MYO1F: variants seen among roughly 807,000 people sequenced by gnomAD.
MYO1F encodes unconventional myosin-If.
Under a neutral mutation model 146.6 loss-of-function variants are expected in MYO1F, and 60 were observed. The observed-to-expected ratio is 0.41, with a 90% CI of 0.33 to 0.51. MYO1F has a LOEUF of 0.51. Ranked by LOEUF, MYO1F falls within the 20% of genes least tolerant of loss-of-function variation. The pLI, the probability that MYO1F is intolerant of heterozygous loss-of-function variation, is 0.25. For missense variants in MYO1F, 1,274 were observed against 1,534.3 expected, an observed-to-expected ratio of 0.83 and a Z score of 2.83; for synonymous variants, 602 against 602.1, an observed-to-expected ratio of 1.00 and a Z score of 0.00.
intron 19 of MYO1F, among the ~76,000 whole-genome samples, chr19:8,536,049 C>T (rs1267027794): frequency 6.9e-6 from 1 of 145,152 alleles, no homozygotes; most frequent in Non-Finnish European, 1.5e-5. Context: ...TAATCTCTCA[C>T]TTGCTTTCTC....
At chr19:8,531,954 C>T (rs552466417) in intron 19 of MYO1F, among the ~76,000 whole-genome samples, 2 of 152,066 alleles carry the variant, frequency 1.3e-5, no homozygotes, top group Non-Finnish European at 2.9e-5. Flanking sequence ...CCCGTCTCTA[C>T]TAATAATACA....
Position 8,522,771 on chromosome 19 carries a change from G to A in MYO1F, c.2913C>T (p.Ile971=). ...SARGGPLPLE[I]MSGGGTHRPP... is the part of the protein sequence containing the mutation. ...GCCTGTGGGTGCCCCCTCCAGACAT[G>A]ATCTCCAGGGGCAGGGGGCCCCCTC... Residue 971 remains isoleucine, a synonymous_variant, in exon 26 of 28, where the codon ATC becomes ATT. Transcript: ENST00000644032. The A allele has an allele frequency of 6.2e-7, 1 of 1,607,770 alleles. No homozygotes were observed. Among genetic ancestry groups the A allele is most frequent in the Non-Finnish European group, 8.5e-7 (1 of 1,178,188 alleles).
At chr19:8,550,837 G>A (rs543056751) in intron 8 of MYO1F, 143 bp from the exon 9 acceptor site, 11 of 1,016,296 alleles carry the variant, frequency 1.1e-5, no homozygotes, top group East Asian at 2.5e-5. Context: ...CACTTGCCGC[G>A]TGACCTTGGG....
intron 1 of MYO1F, among the ~76,000 whole-genome samples, chr19:8,562,412 A>G (rs1040506026): frequency 3.3e-5 from 5 of 152,046 alleles, no homozygotes; most frequent in African/African-American, 7.2e-5. Context: ...GGCCCAAGCA[A>G]TCCTCCTGCC....
At position 8,536,520 on chromosome 19, in the gene MYO1F, T is replaced by G; in HGVS notation, c.1877A>C (p.Gln626Pro). The G allele has an allele frequency of 6.2e-7, 1 of 1,612,896 alleles. No homozygotes were observed. The highest frequency in any genetic ancestry group is 1.1e-5 in the South Asian group (1 of 91,012). Residue 626 changes from glutamine (Q) to proline (P), a missense_variant, in exon 18 of 28, where the codon CAG becomes CCG. By Grantham distance (76) the Gln-to-Pro change is moderately conservative. Transcript: ENST00000644032. Reference sequence around the variant, plus strand: ...TCACCTCTGCAGGAATTTGGCGAACTGGCGGCGGTAGGCGAAGCCGGCTCT... The same window carrying G: ...TCACCTCTGCAGGAATTTGGCGAACGGGCGGCGGTAGGCGAAGCCGGCTCT... ...VRRAGFAYRR[Q>P]FAKFLQRYAI...
rs1176648618 is a variant in MYO1F at position 8,544,000 on chromosome 19, T to TGGTGGCGGTGGC, written c.1524+285_1524+296dup. On this transcript the variant is annotated intron_variant, in intron 14 of 27. Transcript: ENST00000644032. ...GTGCTGGTGCTGGTGGTGGTGCTGG[T>TGGTGGCGGTGGC]GGTGGCGGTGGCGGTGGCGGTGGCG... 251 of 154,816 alleles carry TGGTGGCGGTGGC rather than the reference T, an allele frequency of 1.6e-3. 4 individuals are homozygous for TGGTGGCGGTGGC. Among genetic ancestry groups the TGGTGGCGGTGGC allele is most frequent in the East Asian group, 0.015 (41 of 2,658 alleles). The allele number at this position is 154,816 out of a possible 1,614,324, so 9.6% of individuals were successfully genotyped here. A position where few individuals can be genotyped will look rare whatever the true frequency, so the allele number is the denominator to read the frequency against.
rs563722140 is a variant in MYO1F, at chr19:8,539,855, C to T, written c.1692+92G>A. 2.1e-4 allele frequency: 231 copies of T among 1,119,770 alleles called. 3 individuals are homozygous for T. In the South Asian group the frequency reaches 2.6e-3, roughly 12 times the overall value. 69.4% of individuals were successfully genotyped at this position (1,119,770 alleles called of 1,614,324 possible). On this transcript the variant is annotated intron_variant, in intron 16 of 27. Coordinates refer to ENST00000644032, the MANE Select transcript of MYO1F (RefSeq NM_012335.4). ...GCCCCAGGATTGGTAGACAGACAGA[C>T]GTTGGAATGAGAGAAACAGAGTCCG...
chr19:8,524,967 A>G (rs969655471), intron 25 of MYO1F, among the ~76,000 whole-genome samples: 2 of 152,072 alleles, frequency 1.3e-5, no homozygotes, highest in African/African-American at 4.8e-5. Flanking sequence ...GGAGGCCGAG[A>G]CGGGCGGGTC....
rs1302734598 is a variant in MYO1F, at chr19:8,545,728, A to G, written c.1278T>C (p.Tyr426=). The change falls in exon 13 of 28, where the codon TAT becomes TAC. Residue 426 remains tyrosine, a synonymous_variant. Coordinates refer to ENST00000644032, the MANE Select transcript of MYO1F (RefSeq NM_012335.4). ...ELTLKAEQEE[Y]VQEGIRWTPI... is the part of the protein sequence containing the mutation. ...GAGTCCAGCGGATGCCTTCCTGCAC[A>G]TACTCCTCCTGGGGTGGAAAAGGGG... is the stretch of plus-strand genomic sequence containing the variant. The G allele has an allele frequency of 6.2e-7, 1 of 1,613,856 alleles. No individual in the cohort carries two copies. The highest frequency in any genetic ancestry group is 1.7e-5 in the Admixed American group (1 of 59,990).
chr19:8,529,962 T>A (rs1398485527), intron 21 of MYO1F: 3 of 644,126 alleles, frequency 4.7e-6, no homozygotes. Flanking sequence ...GATAGATACC[T>A]ATGGACAGGT....
intron 13 of MYO1F, 137 bp downstream of exon 13, chr19:8,545,513 T>C: frequency 2.6e-6 from 2 of 774,476 alleles, no homozygotes; most frequent in Non-Finnish European, 2.4e-6. Flanking sequence ...TTGGTTGTTA[T>C]CTGTCGCTGG....
At chr19:8,561,447 C>T (rs188839233) in intron 1 of MYO1F, among the ~76,000 whole-genome samples, 64 of 119,802 alleles carry the variant, frequency 5.3e-4, no homozygotes, top group Non-Finnish European at 4.9e-4. Context: ...TCCCTTCCTT[C>T]CTCCCTCTCT....
intron 1 of MYO1F, among the ~76,000 whole-genome samples, chr19:8,566,494 A>T (rs2042007696): frequency 6.8e-6 from 1 of 146,008 alleles, no homozygotes; most frequent in African/African-American, 2.5e-5. Flanking sequence ...AAAAAATTTT[A>T]TTTTTATTTA....
At chr19:8,575,468 C>A (rs782779956) in intron 1 of MYO1F, among the ~76,000 whole-genome samples, 8 of 151,924 alleles carry the variant, frequency 5.3e-5, no homozygotes, top group Non-Finnish European at 8.8e-5. Flanking sequence ...CTAATGGCGC[C>A]CCCGAGAATC....
intron 4 of MYO1F, 107 bp downstream of exon 4, chr19:8,554,370 C>T (rs1973753594): frequency 2.2e-6 from 2 of 895,944 alleles, no homozygotes; most frequent in South Asian, 2.6e-5. Context: ...AGAGGGACAG[C>T]AGGGCAATGT....
At chr19:8,576,187 CGAG>C (rs1287968457) in intron 1 of MYO1F, among the ~76,000 whole-genome samples, 1 of 152,080 alleles carries the variant, frequency 6.6e-6, no homozygotes, top group African/African-American at 2.4e-5. Flanking sequence ...TTAGTAGAGA[CGAG>C]GTTTCACCAC....
chr19:8,562,267 C>A (rs943798272), intron 1 of MYO1F, among the ~76,000 whole-genome samples: 1 of 151,924 alleles, frequency 6.6e-6, no homozygotes, highest in Non-Finnish European at 1.5e-5. Context: ...TCACAAAGCA[C>A]TGGGATTATA....
intron 1 of MYO1F, among the ~76,000 whole-genome samples, chr19:8,565,468 G>C (rs1158570904): frequency 6.6e-6 from 1 of 151,956 alleles, no homozygotes; most frequent in Non-Finnish European, 1.5e-5. Flanking sequence ...CTTGAACCTG[G>C]GAGGCAGAGG....
intron 8 of MYO1F, chr19:8,551,477 C>T (rs955429856): frequency 4.2e-6 from 2 of 470,660 alleles, no homozygotes; most frequent in Non-Finnish European, 7.8e-6. Context: ...TCTGCCTCCC[C>T]AGTAGCTGGG....
Sources: allele counts gnomAD v4.1 joint callset (sites outside exome capture counted in the v4.1 genomes callset), GRCh38; gene constraint gnomAD v4.1.1; transcripts MANE v1.5; gene names NCBI Gene and HGNC (gene_info 2026-07-23, HGNC 2026-07-21).